The following STXBP3 variants were observed in gnomAD, a reference collection of about 807,000 sequenced individuals.
STXBP3 encodes the protein syntaxin-binding protein 3.
STXBP3 carries 41 observed loss-of-function variants against 85.7 expected under a neutral mutation model. That is an observed-to-expected ratio of 0.48 (90% CI 0.37 to 0.62). The LOEUF (loss-of-function observed/expected upper bound fraction) is 0.62, where lower values mean the gene tolerates loss of function less well. Ranked by LOEUF, STXBP3 falls within the 20% of genes least tolerant of loss-of-function variation. The probability of loss-of-function intolerance (pLI) is 0.00; values close to 1 mark genes in which losing one functional copy is unlikely to be tolerated. For missense variants in STXBP3, 563 were observed against 703.1 expected (o/e 0.80, Z 2.25); for synonymous variants, 229 against 231.7 (o/e 0.99, Z 0.10).
chr1:108,788,799 C>T (rs1478695180), intron 11 of STXBP3, among the ~76,000 whole-genome samples: 1 of 152,040 alleles, frequency 6.6e-6, no homozygotes, highest in African/African-American at 2.4e-5. Context: ...CGGTGGCTCA[C>T]GTCTGTAATC....
At chr1:108,780,379 CCTCTGTTACCCTGTAGGTCTCTAAA>C (rs1662689951) in intron 9 of STXBP3, 2 of 151,906 alleles carry the variant, frequency 1.3e-5, no homozygotes, top group South Asian at 4.1e-4. Flanking sequence ...ATATTATTTA[CCTCTGTTACCCTGTAGGTCTCTAAA>C]CTTTTAAGTA....
At chr1:108,806,521 T>TAAC (rs980529300) in intron 17 of STXBP3, among the ~76,000 whole-genome samples, 6 of 152,120 alleles carry the variant, frequency 3.9e-5, no homozygotes, top group Non-Finnish European at 8.8e-5. Flanking sequence ...TTCATCCTTG[T>TAAC]AACAGCCTTT....
chr1:108,764,010 A>ATTTTTTCTATTCCTTTCCCTCC (rs1662204769), intron 6 of STXBP3, among the ~76,000 whole-genome samples: 3 of 151,924 alleles, frequency 2.0e-5, no homozygotes, highest in Non-Finnish European at 4.4e-5. Context: ...CCCAATAGTT[A>ATTTTTTCTATTCCTTTCCCTCC]TTTTTTCTAT....
Position 108,772,706 on chromosome 1 carries a change from T to C in STXBP3, c.480T>C (p.Tyr160=), listed in dbSNP as rs139542737. The change falls in exon 7 of 19, where the codon TAT becomes TAC. Residue 160 remains tyrosine, a synonymous_variant. Coordinates refer to ENST00000370008, the MANE Select transcript of STXBP3 (RefSeq NM_007269.4). The stretch of plus-strand genomic sequence containing the variant: ...TACCAGATGCATTCTATTACTGTTA[T>C]AGTCCAGACCCTGGTAATGCAAAGG... ...LDVPDAFYYC[Y]SPDPGNAKGK... 2.3e-5 allele frequency: 36 copies of C among 1,585,978 alleles called. No homozygotes were observed. The highest frequency in any genetic ancestry group is 1.9e-4 in the South Asian group (17 of 87,576).
At chr1:108,764,294 C>T (rs756955946) in intron 6 of STXBP3, among the ~76,000 whole-genome samples, 1 of 152,110 alleles carries the variant, frequency 6.6e-6, no homozygotes, top group Non-Finnish European at 1.5e-5. Context: ...TTAATCCAGT[C>T]TCCCACTGAT....
intron 7 of STXBP3, among the ~76,000 whole-genome samples, chr1:108,773,588 C>T (rs1163841236): frequency 1.3e-5 from 2 of 152,106 alleles, no homozygotes; most frequent in African/African-American, 4.8e-5. Context: ...GAAGGATGGC[C>T]AGAGCTCATC....
chr1:108,775,648 G>A (rs1662572735), intron 7 of STXBP3, among the ~76,000 whole-genome samples: 2 of 152,076 alleles, frequency 1.3e-5, no homozygotes, highest in African/African-American at 4.8e-5. Flanking sequence ...AAGCAAGTGA[G>A]AACATGCGAA....
intron 17 of STXBP3, among the ~76,000 whole-genome samples, chr1:108,801,389 T>C (rs149335886): frequency 6.6e-6 from 1 of 152,318 alleles, no homozygotes; most frequent in African/African-American, 2.4e-5. Context: ...CCAAATTGTT[T>C]TAGTAATTTG....
At position 108,788,335 on chromosome 1, in the gene STXBP3, A is replaced by G. The variant is rs1570767727; in HGVS notation, c.964-5247A>G. ...GATATTTGCTTCTATATTTATGAGAAATACTTTTCTGTAATAGTCCTTTTT... is the reference window on the plus strand; with the variant it reads ...GATATTTGCTTCTATATTTATGAGAGATACTTTTCTGTAATAGTCCTTTTT... On this transcript the variant is annotated intron_variant, in intron 11 of 18. Transcript: ENST00000370008. Among the ~76,000 whole-genome samples the G allele has an allele frequency of 2.0e-5, 3 of 152,294 alleles. No individual in the cohort carries two copies. The East Asian group carries it at 5.8e-4, about 29-fold the overall frequency.
chr1:108,779,057 A>G (rs951006340), intron 8 of STXBP3, among the ~76,000 whole-genome samples: 1 of 152,172 alleles, frequency 6.6e-6, no homozygotes, highest in Non-Finnish European at 1.5e-5. Flanking sequence ...ATTAGATTTT[A>G]GTTATATAGT....
chr1:108,791,672 C>G (rs571229006), intron 11 of STXBP3, among the ~76,000 whole-genome samples: 3 of 152,108 alleles, frequency 2.0e-5, no homozygotes, highest in Non-Finnish European at 4.4e-5. Context: ...AGGTATAAAG[C>G]AAAATTTCCC....
intron 6 of STXBP3, among the ~76,000 whole-genome samples, chr1:108,772,409 C>A (rs1662481650): frequency 3.0e-5 from 1 of 32,794 alleles, no homozygotes; most frequent in African/African-American, 1.4e-4. Context: ...CATATGATAT[C>A]TATCTGTATA....
At chr1:108,801,350 G>T (rs1483104420) in intron 17 of STXBP3, among the ~76,000 whole-genome samples, 1 of 152,042 alleles carries the variant, frequency 6.6e-6, no homozygotes, top group African/African-American at 2.4e-5. Context: ...TTGAAAATTG[G>T]ACCTTTTAGA....
chr1:108,751,008 C>G (rs114847713), intron 1 of STXBP3, among the ~76,000 whole-genome samples: 26 of 152,204 alleles, frequency 1.7e-4, no homozygotes, highest in Non-Finnish European at 2.8e-4. Flanking sequence ...CCTCCTGGCA[C>G]ATGGTTTGTT....
rs1271780880 is a variant in STXBP3, at chr1:108,746,764, G to C, written c.27G>C (p.Gly9=). 1.2e-5 allele frequency: 19 copies of C among 1,550,290 alleles called. No homozygotes were observed. The East Asian group carries it at 3.4e-4, about 28-fold the overall frequency. ...TGGCGCCGCCGGTGGCAGAGAGGGG[G>C]CTAAAGAGCGTCGTGTGGCAGAGTG... MAPPVAER[G]LKSVVWQKIK... The change falls in exon 1 of 19, where the codon GGG becomes GGC. Residue 9 remains glycine, a synonymous_variant. Transcript: ENST00000370008.
intron 12 of STXBP3, among the ~76,000 whole-genome samples, chr1:108,794,265 C>T (rs1490868533): frequency 6.6e-6 from 1 of 152,146 alleles, no homozygotes; most frequent in African/African-American, 2.4e-5. Context: ...CTGTTGATTG[C>T]CTCCTGTTGT....
At chr1:108,772,478 A>T (rs1018807838) in intron 6 of STXBP3, among the ~76,000 whole-genome samples, 187 bp from the exon 7 acceptor site, 4 of 145,776 alleles carry the variant, frequency 2.7e-5, no homozygotes, top group African/African-American at 1.0e-4. Flanking sequence ...TATCTGTATA[A>T]TATATAAATA....
chr1:108,793,617 G>A lies in STXBP3; in HGVS notation c.999G>A (p.Lys333=), dbSNP rs1210272385. ...GTGCTCTTACCCAGCTGATGAAAAAGATGCCCCATTTCCGAAAACAGATTA... is the reference window on the plus strand; with the variant it reads ...GTGCTCTTACCCAGCTGATGAAAAAAATGCCCCATTTCCGAAAACAGATTA... ...SLSALTQLMK[K]MPHFRKQITK... The change falls in exon 12 of 19, where the codon AAG becomes AAA. Residue 333 remains lysine, a synonymous_variant. Coordinates refer to ENST00000370008, the MANE Select transcript of STXBP3 (RefSeq NM_007269.4). 6 of 1,612,274 alleles carry A rather than the reference G, an allele frequency of 3.7e-6. No individual in the cohort carries two copies. Among genetic ancestry groups the A allele is most frequent in the Non-Finnish European group, 4.2e-6 (5 of 1,178,902 alleles).
At chr1:108,795,606 A>G (rs1663072861) in intron 13 of STXBP3, among the ~76,000 whole-genome samples, 1 of 152,170 alleles carries the variant, frequency 6.6e-6, no homozygotes, top group Admixed American at 6.5e-5. Context: ...TATTACTTCA[A>G]GTCTCCTGGT....
Sources: gnomAD v4.1 joint callset for allele counts (sites outside exome capture counted in the v4.1 genomes callset) on GRCh38, gnomAD v4.1.1 for gene constraint, MANE v1.5 for transcripts, NCBI Gene and HGNC (gene_info 2026-07-23, HGNC 2026-07-21) for gene names.